Variants in CCDC25 observed in about 807,000 individuals in gnomAD.
The protein encoded by CCDC25 is coiled-coil domain containing 25, also known as coiled-coil domain-containing protein 25.
CCDC25 carries 16 observed loss-of-function variants against 35.3 expected under a neutral mutation model. The ratio of observed to expected loss-of-function variants is 0.45; its 90% CI spans 0.31 to 0.69. The LOEUF (loss-of-function observed/expected upper bound fraction) is 0.69, where lower values mean the gene tolerates loss of function less well. Among genes scored for constraint, CCDC25 ranks in the 30% least tolerant of loss-of-function variants. The pLI is 0.06. For missense variants in CCDC25, 179 were observed against 250.7 expected (o/e 0.71, Z 1.93); for synonymous variants, 79 against 80.3 (o/e 0.98, Z 0.09).
chr8:27,752,434 A>G (rs552505163), intron 5 of CCDC25, 78 bp downstream of exon 5: 5 of 1,107,476 alleles, frequency 4.5e-6, no homozygotes, highest in Admixed American at 1.8e-5. Context: ...AGTCAACAGC[A>G]TGCTCACTAA....
intron 4 of CCDC25, 77 bp from the exon 5 acceptor site, chr8:27,752,664 G>T: frequency 9.4e-7 from 1 of 1,061,800 alleles, no homozygotes; most frequent in South Asian, 1.3e-5. Flanking sequence ...GGCATTTGCT[G>T]CCTTACCTAC....
At chr8:27,772,186 G>T in intron 1 of CCDC25, 2 of 456,660 alleles carry the variant, frequency 4.4e-6, no homozygotes, top group Non-Finnish European at 3.9e-6. Context: ...AGAAGACTTG[G>T]GATAAGGTGT....
At chr8:27,751,068 A>C (rs1321494897) in intron 5 of CCDC25, among the ~76,000 whole-genome samples, 1 of 152,166 alleles carries the variant, frequency 6.6e-6, no homozygotes, top group Non-Finnish European at 1.5e-5. Context: ...TGAAGAGGAG[A>C]GAAACAGTAA....
In CCDC25 at chr8:27,748,273, T is replaced by C; in HGVS notation, c.355A>G (p.Ile119Val). The C allele has an allele frequency of 1.2e-6, 2 of 1,612,992 alleles. No homozygotes were observed. The highest frequency in any genetic ancestry group is 2.2e-5 in the South Asian group (2 of 90,728). Residue 119 changes from isoleucine to valine, a missense_variant, in exon 7 of 9, where the codon ATT (isoleucine) becomes GTT (valine). Physicochemically the swap from Ile to Val is conservative, Grantham distance 29 (BLOSUM62 3). Transcript: ENST00000356537. ...IGFHRQKDVKIVTVEKKVNEI... is the reference protein window; with the variant it reads ...IGFHRQKDVKVVTVEKKVNEI... The stretch of plus-strand genomic sequence containing the variant: ...TTTACTTTCTTCTCCACTGTCACAA[T>C]TTTTACCTTTAAGGGAGATAGGAGA...
intron 7 of CCDC25, among the ~76,000 whole-genome samples, chr8:27,742,217 G>C (rs1725745799): frequency 6.6e-6 from 1 of 152,194 alleles, no homozygotes; most frequent in African/African-American, 2.4e-5. Context: ...GTGGGAAGGA[G>C]AAATGTCACA....
intron 1 of CCDC25, among the ~76,000 whole-genome samples, chr8:27,767,922 G>A (rs1804454779): frequency 6.6e-6 from 1 of 152,160 alleles, no homozygotes; most frequent in South Asian, 2.1e-4. Flanking sequence ...GTCAGAATTT[G>A]TAGTCACAGT....
In CCDC25 at chr8:27,743,920, G is replaced by C. The variant is rs566251472; in HGVS notation, c.552-3403C>G. ...GAAAGAGACATACCAATTGTTTTTA[G>C]TTTTCTGAATCCATGGAGATTATTA... On this transcript the variant is annotated intron_variant, in intron 7 of 8. Transcript: ENST00000356537. Among the ~76,000 whole-genome samples the C allele has an allele frequency of 2.0e-4, 31 of 152,238 alleles. 1 individual carries two copies. In the South Asian group the frequency reaches 3.5e-3, roughly 17 times the overall value.
chr8:27,735,962 C>T lies in CCDC25; in HGVS notation c.*254G>A. 1 of 390,228 alleles carries T rather than the reference C, an allele frequency of 2.6e-6. No homozygotes were observed. Among genetic ancestry groups the T allele is most frequent in the Non-Finnish European group, 4.6e-6 (1 of 218,382 alleles). 24.2% of individuals were successfully genotyped at this position (390,228 alleles called of 1,614,324 possible). On this transcript the variant is annotated 3_prime_UTR_variant, in exon 9 of 9. Transcript: ENST00000356537. ...AGGGCAGCCTGCTTTCACAAGGTACCAAGACATGTTCTGGCAAAAACATTT... is the reference window on the plus strand; with the variant it reads ...AGGGCAGCCTGCTTTCACAAGGTACTAAGACATGTTCTGGCAAAAACATTT...
intron 5 of CCDC25, among the ~76,000 whole-genome samples, chr8:27,750,474 TACTACCACC>T (rs778349630): frequency 2.6e-5 from 4 of 152,162 alleles, no homozygotes; most frequent in Non-Finnish European, 5.9e-5. Context: ...TGTTAGCAAT[TACTACCACC>T]ACTACACCTA....
chr8:27,750,947 A>G (rs1437042356), intron 5 of CCDC25, among the ~76,000 whole-genome samples: 1 of 152,222 alleles, frequency 6.6e-6, no homozygotes. Flanking sequence ...GAAATCTCAT[A>G]GCAACGACCA....
At chr8:27,770,740 C>A (rs1201973867) in intron 1 of CCDC25, among the ~76,000 whole-genome samples, 5 of 126,722 alleles carry the variant, frequency 3.9e-5, no homozygotes, top group African/African-American at 8.7e-5. Context: ...ACTCCGTCTC[C>A]AAAAAAAAAA....
At chr8:27,748,421 G>T in intron 6 of CCDC25, 74 bp downstream of exon 6, 2 of 1,348,446 alleles carry the variant, frequency 1.5e-6, no homozygotes, top group Non-Finnish European at 2.1e-6. Context: ...AACAACAATG[G>T]TGTCAGACAG....
chr8:27,752,604 A>T lies in CCDC25; in HGVS notation c.169-17T>A. The T allele has an allele frequency of 6.2e-7, 1 of 1,601,582 alleles. No individual in the cohort carries two copies. The highest frequency in any genetic ancestry group is 8.6e-7 in the Non-Finnish European group (1 of 1,169,008). On this transcript the variant is annotated splice_polypyrimidine_tract_variant and intron_variant, in intron 4 of 8. Coordinates refer to ENST00000356537, the MANE Select transcript of CCDC25 (RefSeq NM_018246.3). ...ATTCTCTCCCTGAAACACAAAAATA[A>T]ACCAATTGGTCCACTACCTCATTAT... is the stretch of plus-strand genomic sequence containing the variant.
In CCDC25 at chr8:27,761,586, A is replaced by G. The variant is rs11990921; in HGVS notation, c.116+833T>C. ...ATAGCATTTGGTAGGAGGTATGAGGAGTCAGGAAGATGATATCCCACTCCA... is the reference window on the plus strand; with the variant it reads ...ATAGCATTTGGTAGGAGGTATGAGGGGTCAGGAAGATGATATCCCACTCCA... On this transcript the variant is annotated intron_variant, in intron 3 of 8. Transcript: ENST00000356537. Among the ~76,000 whole-genome samples, 711 of 152,294 alleles carry G rather than the reference A, an allele frequency of 4.7e-3. 7 individuals carry two copies. Among genetic ancestry groups the G allele is most frequent in the African/African-American group, 0.016 (684 of 41,562 alleles).
intron 3 of CCDC25, among the ~76,000 whole-genome samples, chr8:27,759,089 C>A (rs1209902541): frequency 1.3e-5 from 2 of 152,174 alleles, no homozygotes; most frequent in Non-Finnish European, 2.9e-5. Context: ...GTTTAAATTA[C>A]AGCCATAGTT....
intron 3 of CCDC25, among the ~76,000 whole-genome samples, 182 bp downstream of exon 3, chr8:27,762,236 TC>T (rs1804252254): frequency 6.6e-6 from 1 of 152,132 alleles, no homozygotes; most frequent in Admixed American, 6.5e-5. Flanking sequence ...AAGCCTGAGA[TC>T]AAACCCAAAA....
rs761515211 is a variant in CCDC25 at position 27,740,504 on chromosome 8, G to A, written c.565C>T (p.Leu189=). 8.1e-6 allele frequency: 13 copies of A among 1,607,272 alleles called. No homozygotes were observed. Among genetic ancestry groups the A allele is most frequent in the Non-Finnish European group, 1.1e-5 (13 of 1,177,522 alleles). Residue 189 remains leucine, a synonymous_variant, in exon 8 of 9, where the codon CTA becomes TTA. Transcript: ENST00000356537. ...GAAGACATATTTTCAACTTTCATTA[G>A]TGATGAATAGCTCCTAGAAGGAAAA... ...EMDELRSYSS[L]MKVENMSSNQ...
chr8:27,752,476 C>T (rs369109496), intron 5 of CCDC25, 36 bp downstream of exon 5: 107 of 1,498,842 alleles, frequency 7.1e-5, no homozygotes, highest in Non-Finnish European at 2.8e-5. Context: ...AGAGAAAGTC[C>T]GTGCTAATTC....
intron 8 of CCDC25, among the ~76,000 whole-genome samples, chr8:27,739,017 C>G (rs1200527313): frequency 6.6e-6 from 1 of 152,128 alleles, no homozygotes; most frequent in Non-Finnish European, 1.5e-5. Context: ...CTAAGCAGCC[C>G]TGTGAAATAA....
Sources: allele counts gnomAD v4.1 joint callset (sites outside exome capture counted in the v4.1 genomes callset), GRCh38; gene constraint gnomAD v4.1.1; transcripts MANE v1.5; gene names NCBI Gene and HGNC (gene_info 2026-07-23, HGNC 2026-07-21).